The following CCDC85A variants were observed in gnomAD, a reference collection of about 807,000 sequenced individuals.
The protein encoded by CCDC85A is coiled-coil domain containing 85A, also known as coiled-coil domain-containing protein 85A.
In CCDC85A, 38 loss-of-function variants were observed where a neutral mutation model predicts 50.2. The observed-to-expected ratio is 0.76, with a 90% confidence interval of 0.58 to 0.99. The LOEUF is 0.99. Ranked by LOEUF, CCDC85A falls within the 50% of genes least tolerant of loss-of-function variation. The probability of loss-of-function intolerance (pLI) is 0.00; values close to 1 mark genes in which losing one functional copy is unlikely to be tolerated. For synonymous variants in CCDC85A, 366 were observed against 301.4 expected, an observed-to-expected ratio of 1.21 and a Z score of -2.22; for missense variants, 820 against 742.0, an observed-to-expected ratio of 1.11 and a Z score of -1.22.
chr2:56,252,968 A>G (rs1421558277), intron 2 of CCDC85A, among the ~76,000 whole-genome samples: 1 of 152,012 alleles, frequency 6.6e-6, no homozygotes, highest in African/African-American at 2.4e-5. Flanking sequence ...GCAGTAAGCC[A>G]AGATCGCGCC....
At chr2:56,252,161 C>T (rs1306390282) in intron 2 of CCDC85A, among the ~76,000 whole-genome samples, 2 of 151,980 alleles carry the variant, frequency 1.3e-5, no homozygotes, top group African/African-American at 4.8e-5. Flanking sequence ...ATTCTCCTGC[C>T]TCAGCCTCCC....
intron 3 of CCDC85A, among the ~76,000 whole-genome samples, chr2:56,358,909 C>A (rs1675375580): frequency 6.6e-6 from 1 of 151,878 alleles, no homozygotes; most frequent in Non-Finnish European, 1.5e-5. Flanking sequence ...CTCAGCCTCC[C>A]ATGTAGCTGG....
At chr2:56,373,477 A>G (rs992164409) in intron 4 of CCDC85A, among the ~76,000 whole-genome samples, 1 of 152,108 alleles carries the variant, frequency 6.6e-6, no homozygotes, top group African/African-American at 2.4e-5. Context: ...TGGTTTAAGG[A>G]TGTTGTTTAC....
intron 2 of CCDC85A, among the ~76,000 whole-genome samples, chr2:56,300,808 T>G (rs1468712425): frequency 4.6e-5 from 7 of 152,314 alleles, no homozygotes; most frequent in Middle Eastern, 3.4e-3. Flanking sequence ...TAATCTCCCA[T>G]GTGGGAACAG....
rs1558670089 is a variant in CCDC85A at position 56,384,607 on chromosome 2, C to T, written c.*252C>T. On this transcript the variant is annotated 3_prime_UTR_variant, in exon 6 of 6. Coordinates refer to ENST00000407595, the MANE Select transcript of CCDC85A (RefSeq NM_001080433.2). ...GCTTTGAACATCTCAAACAGAGTAGCTTTGAAAATCAACATTTTGGTACCA... is the reference window on the plus strand; with the variant it reads ...GCTTTGAACATCTCAAACAGAGTAGTTTTGAAAATCAACATTTTGGTACCA... 9.2e-5 allele frequency: 34 copies of T among 369,258 alleles called. 2 individuals carry two copies. In the East Asian group the frequency reaches 1.4e-3, roughly 15 times the overall value. 22.9% of individuals were successfully genotyped at this position (369,258 alleles called of 1,614,324 possible).
At chr2:56,314,752 G>A (rs984759616) in intron 2 of CCDC85A, among the ~76,000 whole-genome samples, 7 of 152,272 alleles carry the variant, frequency 4.6e-5, no homozygotes, top group Admixed American at 3.3e-4. Context: ...TTATGAGGCT[G>A]TCCAGTTGGG....
chr2:56,329,574 C>G (rs999224273), intron 2 of CCDC85A, among the ~76,000 whole-genome samples: 2 of 152,086 alleles, frequency 1.3e-5, no homozygotes, highest in Non-Finnish European at 2.9e-5. Context: ...ACTTTCTGTA[C>G]AGATAGATAA....
intron 2 of CCDC85A, among the ~76,000 whole-genome samples, chr2:56,263,242 A>C (rs965182714): frequency 2.6e-5 from 4 of 152,168 alleles, no homozygotes; most frequent in Non-Finnish European, 4.4e-5. Flanking sequence ...GATGCCATGG[A>C]ATTCTTTGTC....
intron 2 of CCDC85A, among the ~76,000 whole-genome samples, chr2:56,305,011 G>C (rs1392121408): frequency 6.6e-6 from 1 of 151,588 alleles, no homozygotes; most frequent in Non-Finnish European, 1.5e-5. Context: ...GCTGAGAGAA[G>C]AGAATCGCTT....
intron 2 of CCDC85A, among the ~76,000 whole-genome samples, chr2:56,198,687 G>C (rs576677762): frequency 6.6e-6 from 1 of 152,284 alleles, no homozygotes; most frequent in Non-Finnish European, 1.5e-5. Flanking sequence ...GTATTTTCTA[G>C]TACAGTGTAA....
chr2:56,231,084 GTT>G (rs1280727595), intron 2 of CCDC85A, among the ~76,000 whole-genome samples: 1 of 152,178 alleles, frequency 6.6e-6, no homozygotes, highest in African/African-American at 2.4e-5. Context: ...TAAAAAATTA[GTT>G]CCTCGAATAC....
chr2:56,199,955 G>A (rs543640988), intron 2 of CCDC85A, among the ~76,000 whole-genome samples: 8 of 152,246 alleles, frequency 5.3e-5, no homozygotes, highest in South Asian at 4.1e-4. Flanking sequence ...TGCAACCTCC[G>A]ACTCCCTGGT....
chr2:56,384,384 C>G lies in CCDC85A; in HGVS notation c.*29C>G. 1 of 1,562,064 alleles carries G rather than the reference C, an allele frequency of 6.4e-7. No individual in the cohort carries two copies. The highest frequency in any genetic ancestry group is 2.2e-5 in the East Asian group (1 of 44,482). ...GCACTCTTTTTCAAACAGGAGATCA[C>G]CACTGCCAGAAAGTGATAGAAGACA... On this transcript the variant is annotated 3_prime_UTR_variant, in exon 6 of 6. Coordinates refer to ENST00000407595, the MANE Select transcript of CCDC85A (RefSeq NM_001080433.2).
chr2:56,252,648 C>G (rs977064060), intron 2 of CCDC85A, among the ~76,000 whole-genome samples: 1 of 152,056 alleles, frequency 6.6e-6, no homozygotes, highest in Admixed American at 6.5e-5. Flanking sequence ...ACCCATCAAC[C>G]CGTCATCTAC....
chr2:56,324,272 G>T lies in CCDC85A; in HGVS notation c.1241-18607G>T, dbSNP rs536993484. Among the ~76,000 whole-genome samples, 4 of 152,136 alleles carry T rather than the reference G, an allele frequency of 2.6e-5. No individual in the cohort carries two copies. The East Asian group carries it at 5.8e-4, about 22-fold the overall frequency. On this transcript the variant is annotated intron_variant, in intron 2 of 5. Transcript: ENST00000407595. ...CAGAGGGGAGAAGGGTGTATTTATG[G>T]ACATTTCTGTTAGCAGACCCTCCAT... is the stretch of plus-strand genomic sequence containing the variant.
At chr2:56,371,139 AC>A (rs1676051450) in intron 3 of CCDC85A, among the ~76,000 whole-genome samples, 1 of 152,134 alleles carries the variant, frequency 6.6e-6, no homozygotes. Context: ...TATCATTATG[AC>A]CCAAGTGCAA....
At chr2:56,187,547 ACT>A (rs1191652243) in intron 1 of CCDC85A, among the ~76,000 whole-genome samples, 1 of 151,674 alleles carries the variant, frequency 6.6e-6, no homozygotes, top group African/African-American at 2.4e-5. Context: ...CAATTGTTAA[ACT>A]CTCTGTCTCT....
intron 2 of CCDC85A, among the ~76,000 whole-genome samples, chr2:56,271,403 G>T (rs375229167): frequency 6.6e-6 from 1 of 152,146 alleles, no homozygotes; most frequent in African/African-American, 2.4e-5. Flanking sequence ...TCAGAGTCCA[G>T]GAAGCAGGAG....
intron 2 of CCDC85A, among the ~76,000 whole-genome samples, chr2:56,322,999 A>G (rs1048465163): frequency 6.6e-6 from 1 of 152,156 alleles, no homozygotes; most frequent in Non-Finnish European, 1.5e-5. Flanking sequence ...TTATACGGAT[A>G]TGGATGAAAC....
Sources: allele counts gnomAD v4.1 joint callset (sites outside exome capture counted in the v4.1 genomes callset), GRCh38; gene constraint gnomAD v4.1.1; transcripts MANE v1.5; gene names NCBI Gene and HGNC (gene_info 2026-07-23, HGNC 2026-07-21).